FAM178B: variants seen among roughly 807,000 people sequenced by gnomAD.
FAM178B encodes the protein family with sequence similarity 178 member B, also known as protein FAM178B.
FAM178B carries 82 observed loss-of-function variants against 91.7 expected under a neutral mutation model. The ratio of observed to expected loss-of-function variants is 0.89; its 90% CI spans 0.75 to 1.07. The LOEUF (loss-of-function observed/expected upper bound fraction) is 1.07. FAM178B is among the 50% of genes least tolerant of loss of function. The pLI is 0.00. For missense variants in FAM178B, 769 were observed against 846.7 expected, an observed-to-expected ratio of 0.91 and a Z score of 1.14; for synonymous variants, 368 against 359.4, an observed-to-expected ratio of 1.02 and a Z score of -0.27.
chr2:96,887,194 A>T (rs757000574), intron 14 of FAM178B, among the ~76,000 whole-genome samples: 4 of 151,514 alleles, frequency 2.6e-5, no homozygotes, highest in Non-Finnish European at 4.4e-5. Flanking sequence ...CAGCCTGGGC[A>T]ACACAGCGAG....
intron 6 of FAM178B, among the ~76,000 whole-genome samples, chr2:96,954,884 T>TA (rs1010051692): frequency 8.0e-5 from 12 of 150,730 alleles, no homozygotes; most frequent in African/African-American, 1.5e-4. Flanking sequence ...ACCCTGTCTC[T>TA]AAAAAAAAAT....
At chr2:96,884,469 G>A (rs1325023543) in intron 14 of FAM178B, among the ~76,000 whole-genome samples, 2 of 152,202 alleles carry the variant, frequency 1.3e-5, no homozygotes, top group African/African-American at 2.4e-5. Context: ...CTGGGCCCCC[G>A]GGGCACGGTC....
intron 1 of FAM178B, chr2:96,977,950 C>CGGGGGGTGGGGGGGGG: frequency 4.4e-6 from 1 of 229,318 alleles, no homozygotes; most frequent in Non-Finnish European, 8.8e-6. Flanking sequence ...GTGGGGCGGG[C>CGGGGGGTGGGGGGGGG]GGGGGAGGGG....
chr2:96,882,674 T>C (rs1439389227), intron 14 of FAM178B, among the ~76,000 whole-genome samples: 1 of 152,198 alleles, frequency 6.6e-6, no homozygotes, highest in African/African-American at 2.4e-5. Context: ...GGCCCTTCTA[T>C]ACGCCAGAGG....
At chr2:96,897,936 G>A (rs1051584679) in intron 13 of FAM178B, 6 of 984,988 alleles carry the variant, frequency 6.1e-6, no homozygotes, top group East Asian at 2.3e-4. Flanking sequence ...AATGCTGTAA[G>A]TCCTGTCCTT....
At chr2:96,960,124 G>C (rs2082058693) in intron 6 of FAM178B, among the ~76,000 whole-genome samples, 164 bp downstream of exon 6, 1 of 152,248 alleles carries the variant, frequency 6.6e-6, no homozygotes, top group Non-Finnish European at 1.5e-5. Flanking sequence ...ATGAAATACT[G>C]TAAGTAGACA....
At chr2:96,877,061 A>C (rs1026896668) in intron 16 of FAM178B, among the ~76,000 whole-genome samples, 4 of 152,136 alleles carry the variant, frequency 2.6e-5, no homozygotes, top group Non-Finnish European at 5.9e-5. Flanking sequence ...TCCTGACAAC[A>C]CCTGCCTCAT....
At chr2:96,941,378 G>C (rs2081727623) in intron 8 of FAM178B, among the ~76,000 whole-genome samples, 1 of 152,172 alleles carries the variant, frequency 6.6e-6, no homozygotes, top group Non-Finnish European at 1.5e-5. Context: ...TGCTTTCTGA[G>C]AGGAGGAGTG....
chr2:96,971,927 G>A lies in FAM178B; in HGVS notation c.538C>T (p.Leu180=). The change falls in exon 3 of 17, where the codon CTG becomes TTG. Residue 180 remains leucine (L), a synonymous_variant. Transcript: ENST00000490605. Reference sequence around the variant, plus strand: ...TCTGGGGCCGCAGCCTGCTGGCTCAGGCCTGACGTGTTCCAGAACAGCTTC... The same window carrying A: ...TCTGGGGCCGCAGCCTGCTGGCTCAAGCCTGACGTGTTCCAGAACAGCTTC... ...PEKLFWNTSG[L]SQQAAAPEFS... 3 of 1,525,852 alleles carry A rather than the reference G, an allele frequency of 2.0e-6. No homozygotes were observed. Among genetic ancestry groups the A allele is most frequent in the Non-Finnish European group, 2.6e-6 (3 of 1,135,278 alleles). The allele number at this position is 1,525,852 out of a possible 1,614,324, so 94.5% of individuals were successfully genotyped here.
chr2:96,945,087 A>G (rs1022377060), intron 8 of FAM178B, among the ~76,000 whole-genome samples: 1 of 152,124 alleles, frequency 6.6e-6, no homozygotes, highest in Admixed American at 6.5e-5. Flanking sequence ...TCTCTTTGCC[A>G]TCTAGCGAAG....
At chr2:96,924,615 C>T (rs76098425) in intron 9 of FAM178B, among the ~76,000 whole-genome samples, 2,313 of 152,312 alleles carry the variant, frequency 0.015, 56 homozygotes, top group African/African-American at 0.046. Context: ...CCCAGGCACG[C>T]GCTCACAGGA....
intron 1 of FAM178B, among the ~76,000 whole-genome samples, chr2:96,983,579 C>T (rs1322437066): frequency 1.3e-5 from 2 of 152,184 alleles, no homozygotes; most frequent in Non-Finnish European, 1.5e-5. Flanking sequence ...GTATGTGCCA[C>T]CATGCCCAGC....
intron 12 of FAM178B, 61 bp from the exon 13 acceptor site, chr2:96,902,768 G>C: frequency 1.6e-6 from 2 of 1,283,426 alleles, no homozygotes; most frequent in Non-Finnish European, 2.2e-6. Flanking sequence ...CCGAGCAGGG[G>C]GCAGGATACC....
intron 4 of FAM178B, 41 bp downstream of exon 4, chr2:96,970,675 C>A: frequency 1.3e-6 from 2 of 1,490,940 alleles, no homozygotes; most frequent in South Asian, 2.4e-5. Context: ...GCCAACCCTG[C>A]AGAAATAAGC....
At chr2:96,906,109 G>A (rs1245827447) in intron 12 of FAM178B, among the ~76,000 whole-genome samples, 32 of 149,802 alleles carry the variant, frequency 2.1e-4, no homozygotes, top group Non-Finnish European at 7.4e-5. Context: ...TACCTCAGGT[G>A]ATCCGCCTGA....
chr2:96,889,677 CAAATAAATAAATAAATAAAT>C lies in FAM178B; in HGVS notation c.1776+4229_1776+4248del, dbSNP rs371885604. Among the ~76,000 whole-genome samples, 7 of 126,558 alleles carry C rather than the reference CAAATAAATAAATAAATAAAT, an allele frequency of 5.5e-5. No homozygotes were observed. The Admixed American group carries it at 5.7e-4, about 10-fold the overall frequency. 83.0% of individuals were successfully genotyped at this position (126,558 alleles called of 152,430 possible). A position where few individuals can be genotyped will look rare whatever the true frequency, so the allele number is the denominator to read the frequency against. On this transcript the variant is annotated intron_variant, in intron 14 of 16. Transcript: ENST00000490605. The stretch of plus-strand genomic sequence containing the variant: ...TGGGTGACAGAGCAAGACTCTGTCT[CAAATAAATAAATAAATAAAT>C]AAATAAATAAATAAATAAATAAATA...
intron 8 of FAM178B, among the ~76,000 whole-genome samples, chr2:96,947,470 G>A (rs565977158): frequency 5.9e-5 from 9 of 152,132 alleles, no homozygotes; most frequent in Admixed American, 5.9e-4. Context: ...CAAGCTAACC[G>A]GCGCTTTCAG....
intron 6 of FAM178B, among the ~76,000 whole-genome samples, chr2:96,953,402 C>T (rs1218016227): frequency 6.6e-6 from 1 of 152,232 alleles, no homozygotes; most frequent in Non-Finnish European, 1.5e-5. Flanking sequence ...TGAGGAGACG[C>T]TGGCTCTGGC....
intron 1 of FAM178B, chr2:96,977,684 C>A (rs2153376225): frequency 2.7e-6 from 1 of 377,316 alleles, no homozygotes. Context: ...ACAGCAAAGG[C>A]TGCACGCAAT....
Sources: allele counts gnomAD v4.1 joint callset (sites outside exome capture counted in the v4.1 genomes callset), GRCh38; gene constraint gnomAD v4.1.1; transcripts MANE v1.5; gene names NCBI Gene and HGNC (gene_info 2026-07-23, HGNC 2026-07-21).